Variants in COX16 observed in about 807,000 individuals in gnomAD.
The protein encoded by COX16 is cytochrome c oxidase assembly protein COX16 homolog, mitochondrial.
In COX16, 12 loss-of-function variants were observed where a neutral mutation model predicts 15.4. The ratio of observed to expected loss-of-function variants is 0.78; its 90% confidence interval spans 0.50 to 1.26. The LOEUF (loss-of-function observed/expected upper bound fraction) is 1.26. Among genes scored for constraint, COX16 ranks in the 50% most tolerant of loss-of-function variants. COX16 has a pLI of 0.00. For synonymous variants in COX16, 46 were observed against 41.1 expected (o/e 1.12, Z -0.46); for missense variants, 124 against 127.6 (o/e 0.97, Z 0.14).
In COX16 at chr14:70,351,460, G is replaced by C. The variant is rs2877656; in HGVS notation, c.69+8059C>G. Among the ~76,000 whole-genome samples, 3 of 152,146 alleles carry C rather than the reference G, an allele frequency of 2.0e-5. No individual in the cohort carries two copies. In the South Asian group the frequency reaches 6.2e-4, roughly 31 times the overall value. On this transcript the variant is annotated intron_variant, in intron 1 of 3. Coordinates refer to ENST00000389912, the MANE Select transcript of COX16 (RefSeq NM_016468.7). Reference sequence around the variant, plus strand: ...ACTGCCAACACATATACCCCTTGCAGATAAAAGGGTAACCTTCCTCTCTTT... The same window carrying C: ...ACTGCCAACACATATACCCCTTGCACATAAAAGGGTAACCTTCCTCTCTTT...
Position 70,326,373 on chromosome 14 carries a change from T to TG in COX16, c.280dup (p.Gln94ProfsTer9). On this transcript the variant is annotated frameshift_variant, in exon 4 of 4. Transcript: ENST00000389912. LOFTEE classifies it high-confidence loss of function. ...CTTAAGGCTTTCTGGATTTCTTCCT[T>TG]GGAGGAGGTCAGGATCTTCCCAAGG... The TG allele has an allele frequency of 6.3e-7, 1 of 1,590,724 alleles. No individual in the cohort carries two copies.
At chr14:70,340,058 T>C (rs1438001142) in intron 2 of COX16, among the ~76,000 whole-genome samples, 2 of 152,224 alleles carry the variant, frequency 1.3e-5, no homozygotes, top group Admixed American at 1.3e-4. Context: ...CTGGGTGATA[T>C]GGTTTGGCTG....
chr14:70,334,140 C>CT, intron 2 of COX16, among the ~76,000 whole-genome samples: 1 of 152,188 alleles, frequency 6.6e-6, no homozygotes, highest in Non-Finnish European at 1.5e-5. Flanking sequence ...ATACTGCAAT[C>CT]ATGATGTTTA....
chr14:70,332,400 G>A (rs543717191), intron 2 of COX16, among the ~76,000 whole-genome samples: 3 of 152,060 alleles, frequency 2.0e-5, no homozygotes, highest in East Asian at 1.9e-4. Context: ...GTTGAGAAAC[G>A]ATCCTGTCTG....
chr14:70,337,766 A>T (rs1194671234), intron 2 of COX16, among the ~76,000 whole-genome samples: 1 of 152,202 alleles, frequency 6.6e-6, no homozygotes, highest in Non-Finnish European at 1.5e-5. Context: ...TGTGTAATAA[A>T]GAATTAAATG....
intron 1 of COX16, among the ~76,000 whole-genome samples, chr14:70,354,880 C>A (rs947998122): frequency 7.1e-6 from 1 of 141,580 alleles, no homozygotes; most frequent in Non-Finnish European, 1.5e-5. Context: ...AATTGCACTG[C>A]AACACTTACT....
chr14:70,355,810 A>G (rs1887106966), intron 1 of COX16, among the ~76,000 whole-genome samples: 1 of 152,186 alleles, frequency 6.6e-6, no homozygotes, highest in Admixed American at 6.5e-5. Flanking sequence ...GGGAAGGCCT[A>G]GTGGGAGGTG....
chr14:70,333,680 T>C (rs1489954753), intron 2 of COX16, among the ~76,000 whole-genome samples: 2 of 152,180 alleles, frequency 1.3e-5, no homozygotes, highest in South Asian at 2.1e-4. Flanking sequence ...AAAGAAATAA[T>C]AACAGAAAAC....
At chr14:70,354,890 T>C (rs1157455342) in intron 1 of COX16, among the ~76,000 whole-genome samples, 3 of 151,054 alleles carry the variant, frequency 2.0e-5, no homozygotes, top group Non-Finnish European at 4.4e-5. Flanking sequence ...CAACACTTAC[T>C]GCCTGTTACC....
chr14:70,326,392 C>T lies in COX16; in HGVS notation c.262G>A (p.Glu88Lys). 6.3e-7 allele frequency: 1 copy of T among 1,599,664 alleles called. No homozygotes were observed. The highest frequency in any genetic ancestry group is 8.5e-7 in the Non-Finnish European group (1 of 1,172,638). The change falls in exon 4 of 4, where the codon GAA (glutamate) becomes AAA (lysine). Residue 88 changes from glutamate to lysine, a missense_variant. By Grantham distance (56) the Glu-to-Lys change is moderately conservative. Transcript: ENST00000389912. ...CTTCCTTGGAGGAGGTCAGGATCTT[C>T]CCAAGGCCTGGGTCCTCGAATATTC... ...WKNIRGPRPW[E>K]DPDLLQGRNP...
intron 1 of COX16, among the ~76,000 whole-genome samples, chr14:70,355,152 A>G (rs1228339814): frequency 6.6e-6 from 1 of 152,160 alleles, no homozygotes; most frequent in Non-Finnish European, 1.5e-5. Flanking sequence ...TGAGTTGCCT[A>G]TACTAGCTGC....
intron 3 of COX16, among the ~76,000 whole-genome samples, chr14:70,327,786 G>A (rs1246854154): frequency 6.6e-6 from 1 of 152,136 alleles, no homozygotes; most frequent in East Asian, 1.9e-4. Context: ...TTTGGTGAAG[G>A]AGATTCCTTG....
At chr14:70,352,848 C>A (rs1430269434) in intron 1 of COX16, among the ~76,000 whole-genome samples, 1 of 151,754 alleles carries the variant, frequency 6.6e-6, no homozygotes, top group Non-Finnish European at 1.5e-5. Context: ...TAAATGACAT[C>A]TTCACTTCTT....
chr14:70,345,169 C>T (rs146894483), intron 1 of COX16, among the ~76,000 whole-genome samples: 1 of 152,356 alleles, frequency 6.6e-6, no homozygotes, highest in Non-Finnish European at 1.5e-5. Context: ...TGTGCATGCA[C>T]ATTGGTCACT....
intron 1 of COX16, among the ~76,000 whole-genome samples, chr14:70,349,270 CGGG>C (rs1223601258): frequency 6.6e-6 from 1 of 152,198 alleles, no homozygotes; most frequent in Non-Finnish European, 1.5e-5. Context: ...CCACCAAGCC[CGGG>C]GCCAGATACC....
At chr14:70,349,601 TA>T (rs917389844) in intron 1 of COX16, among the ~76,000 whole-genome samples, 15 of 152,284 alleles carry the variant, frequency 9.9e-5, no homozygotes, top group African/African-American at 3.6e-4. Flanking sequence ...ACTCTGTCCT[TA>T]AAGCCCAACT....
intron 2 of COX16, among the ~76,000 whole-genome samples, chr14:70,336,573 A>G (rs1333633925): frequency 1.3e-5 from 2 of 152,230 alleles, no homozygotes; most frequent in Non-Finnish European, 2.9e-5. Context: ...AAAGGGATAA[A>G]ACACAAACCT....
chr14:70,336,257 A>C (rs1886452010), intron 2 of COX16, among the ~76,000 whole-genome samples: 1 of 115,998 alleles, frequency 8.6e-6, no homozygotes, highest in African/African-American at 2.8e-5. Flanking sequence ...CTTCGTCTCA[A>C]AAAAACAAAA....
intron 1 of COX16, among the ~76,000 whole-genome samples, chr14:70,352,202 T>A (rs1024530666): frequency 1.3e-5 from 2 of 152,246 alleles, no homozygotes; most frequent in Non-Finnish European, 2.9e-5. Context: ...TTATTTATTT[T>A]TTGAGACCAA....
Sources: gnomAD v4.1 joint callset for allele counts (sites outside exome capture counted in the v4.1 genomes callset) on GRCh38, gnomAD v4.1.1 for gene constraint, MANE v1.5 for transcripts, NCBI Gene and HGNC (gene_info 2026-07-23, HGNC 2026-07-21) for gene names.